ARID1B: variants seen among roughly 807,000 people sequenced by gnomAD.
ARID1B encodes AT-rich interaction domain 1B.
Under a neutral mutation model 212.3 loss-of-function variants are expected in ARID1B, and 30 were observed. That is an observed-to-expected ratio of 0.14 (90% CI 0.11 to 0.19). The LOEUF (loss-of-function observed/expected upper bound fraction) is 0.19, where lower values mean the gene tolerates loss of function less well. Ranked by LOEUF, ARID1B falls within the 10% of genes least tolerant of loss-of-function variation. The pLI is 1.00. For synonymous variants in ARID1B, 1,402 were observed against 1,301.7 expected, an observed-to-expected ratio of 1.08 and a Z score of -1.66; for missense variants, 2,891 against 3,204.0, an observed-to-expected ratio of 0.90 and a Z score of 2.36.
intron 7 of ARID1B, among the ~76,000 whole-genome samples, chr6:157,145,437 T>C (rs1373261118): frequency 6.6e-6 from 1 of 152,164 alleles, no homozygotes; most frequent in African/African-American, 2.4e-5. Flanking sequence ...ACAAAAAGCG[T>C]GCCTGCCCAC....
At chr6:157,169,216 C>T (rs1224645808) in intron 9 of ARID1B, 2 of 152,246 alleles carry the variant, frequency 1.3e-5, no homozygotes, top group East Asian at 3.8e-4. Flanking sequence ...AGCATTTCTC[C>T]ATCAAAATAT....
At chr6:157,132,550 G>T (rs142305127) in intron 6 of ARID1B, among the ~76,000 whole-genome samples, 17 of 152,290 alleles carry the variant, frequency 1.1e-4, no homozygotes, top group Non-Finnish European at 2.4e-4. Context: ...ACAGCTCTGT[G>T]CAGGGAAGAG....
chr6:157,124,459 G>C (rs1355495509), intron 6 of ARID1B, among the ~76,000 whole-genome samples: 2 of 152,192 alleles, frequency 1.3e-5, no homozygotes, highest in Non-Finnish European at 2.9e-5. Flanking sequence ...TGCTTTCCTG[G>C]AAGGGCAAGG....
At chr6:156,856,190 C>T (rs1365435426) in intron 2 of ARID1B, among the ~76,000 whole-genome samples, 1 of 152,048 alleles carries the variant, frequency 6.6e-6, no homozygotes, top group Non-Finnish European at 1.5e-5. Flanking sequence ...TTAACTGGAG[C>T]GAACTTACTG....
intron 5 of ARID1B, among the ~76,000 whole-genome samples, chr6:157,086,089 T>C (rs1452304901): frequency 1.3e-5 from 2 of 152,224 alleles, no homozygotes; most frequent in East Asian, 1.9e-4. Context: ...TGAGACACTT[T>C]TGTGCATGCA....
chr6:156,934,968 T>C (rs1033987458), intron 3 of ARID1B, among the ~76,000 whole-genome samples: 2 of 134,350 alleles, frequency 1.5e-5, no homozygotes, highest in African/African-American at 5.5e-5. Flanking sequence ...ATATAGTTTA[T>C]ATTTCTGCTG....
At chr6:156,825,346 T>G (rs759964218) in intron 1 of ARID1B, among the ~76,000 whole-genome samples, 4 of 152,234 alleles carry the variant, frequency 2.6e-5, no homozygotes, top group Non-Finnish European at 5.9e-5. Flanking sequence ...AGTAACTGTT[T>G]TTCTATCTGA....
At chr6:156,817,841 AT>A (rs915238921) in intron 1 of ARID1B, among the ~76,000 whole-genome samples, 1 of 151,992 alleles carries the variant, frequency 6.6e-6, no homozygotes, top group African/African-American at 2.4e-5. Flanking sequence ...TCTCAGAATC[AT>A]TTTTGAGAGT....
At chr6:156,861,761 TAAG>T (rs766455744) in intron 2 of ARID1B, among the ~76,000 whole-genome samples, 2 of 152,152 alleles carry the variant, frequency 1.3e-5, no homozygotes, top group Non-Finnish European at 2.9e-5. Context: ...AAAGCTTTAA[TAAG>T]GAGGCAGCTA....
At chr6:156,838,528 G>T (rs556493042) in intron 2 of ARID1B, among the ~76,000 whole-genome samples, 18 of 152,194 alleles carry the variant, frequency 1.2e-4, no homozygotes, top group African/African-American at 3.9e-4. Flanking sequence ...GAAAGCAAGA[G>T]CTCTTAAAAC....
chr6:157,119,009 C>T (rs1406579436), intron 6 of ARID1B, among the ~76,000 whole-genome samples: 1 of 152,198 alleles, frequency 6.6e-6, no homozygotes, highest in Non-Finnish European at 1.5e-5. Flanking sequence ...GGATTTATAA[C>T]AACACTTTTT....
Position 157,208,007 on chromosome 6 carries a change from T to C in ARID1B, c.*116T>C. ...AAGGAAAAGAAAATCTTTGCTCCTC[T>C]GCCCCATTCACTATTTACCAATTGG... On this transcript the variant is annotated 3_prime_UTR_variant, in exon 20 of 20. Coordinates refer to ENST00000636930, the MANE Select transcript of ARID1B (RefSeq NM_001374828.1). 3.6e-6 allele frequency: 4 copies of C among 1,120,548 alleles called. No homozygotes were observed. In the South Asian group the frequency reaches 9.3e-5, roughly 26 times the overall value. 69.4% of individuals were successfully genotyped at this position (1,120,548 alleles called of 1,614,324 possible).
At chr6:157,029,503 C>T (rs966837667) in intron 4 of ARID1B, among the ~76,000 whole-genome samples, 3 of 152,212 alleles carry the variant, frequency 2.0e-5, no homozygotes, top group Non-Finnish European at 4.4e-5. Context: ...AGCTAGCCTG[C>T]TCTTGTGAAG....
At chr6:157,059,281 T>A (rs1363088930) in intron 4 of ARID1B, among the ~76,000 whole-genome samples, 1 of 152,170 alleles carries the variant, frequency 6.6e-6, no homozygotes. Flanking sequence ...AGTTGTGTGA[T>A]GTCAGGAATA....
intron 5 of ARID1B, among the ~76,000 whole-genome samples, chr6:157,104,639 C>A (rs1786329571): frequency 6.6e-6 from 1 of 152,250 alleles, no homozygotes; most frequent in East Asian, 1.9e-4. Context: ...TGAAGAGAAT[C>A]CCATTTACAG....
intron 4 of ARID1B, among the ~76,000 whole-genome samples, chr6:156,958,517 A>G (rs1019257233): frequency 6.6e-6 from 1 of 152,196 alleles, no homozygotes; most frequent in Admixed American, 6.5e-5. Context: ...ATTATGATGG[A>G]TACACTCCTG....
At chr6:157,077,498 A>G (rs1409956060) in intron 4 of ARID1B, among the ~76,000 whole-genome samples, 1 of 151,992 alleles carries the variant, frequency 6.6e-6, no homozygotes, top group Non-Finnish European at 1.5e-5. Flanking sequence ...CGAAATGAGC[A>G]TGCCCTCCCC....
chr6:156,987,520 T>C lies in ARID1B; in HGVS notation c.2247+51944T>C, dbSNP rs753841892. Among the ~76,000 whole-genome samples the C allele has an allele frequency of 1.1e-4, 16 of 152,264 alleles. No individual in the cohort carries two copies. The East Asian group carries it at 1.5e-3, about 15-fold the overall frequency. On this transcript the variant is annotated intron_variant, in intron 4 of 19. Coordinates refer to ENST00000636930, the MANE Select transcript of ARID1B (RefSeq NM_001374828.1). ...TAATTTTTTATATTTTCAGTAGAGA[T>C]GGGGTTTCACCGTGTTAGCCAGGAT...
intron 2 of ARID1B, among the ~76,000 whole-genome samples, chr6:156,842,035 C>G (rs937164100): frequency 6.6e-6 from 1 of 152,116 alleles, no homozygotes; most frequent in African/African-American, 2.4e-5. Flanking sequence ...ATTCGTTTCA[C>G]GTAAAGTCTT....
Sources: allele counts gnomAD v4.1 joint callset (sites outside exome capture counted in the v4.1 genomes callset), GRCh38; gene constraint gnomAD v4.1.1; transcripts MANE v1.5; gene names NCBI Gene and HGNC (gene_info 2026-07-23, HGNC 2026-07-21).